ABR: variants seen among roughly 807,000 people sequenced by gnomAD.
ABR encodes ABR activator of RhoGEF and GTPase.
Under a neutral mutation model 107.2 loss-of-function variants are expected in ABR, and 35 were observed. That is an observed-to-expected ratio of 0.33 (90% confidence interval 0.25 to 0.43). ABR has a LOEUF of 0.43. Ranked by LOEUF, ABR falls within the 20% of genes least tolerant of loss-of-function variation. The pLI, the probability that ABR is intolerant of heterozygous loss-of-function variation, is 1.00. For synonymous variants in ABR, 498 were observed against 462.0 expected (o/e 1.08, Z -1.00); for missense variants, 815 against 1,115.2 (o/e 0.73, Z 3.83).
intron 1 of ABR, among the ~76,000 whole-genome samples, chr17:1,149,058 T>A (rs11867325): frequency 6.8e-6 from 1 of 146,106 alleles, no homozygotes. Flanking sequence ...CCTGCCACCA[T>A]GCCTGGCTAA....
At chr17:1,031,503 C>A in intron 16 of ABR, 1 of 784,450 alleles carries the variant, frequency 1.3e-6, no homozygotes, top group Non-Finnish European at 1.7e-6. Flanking sequence ...GGGGCGGGAG[C>A]GGGACCCCAT....
At chr17:1,086,845 A>C (rs1334691030) in intron 4 of ABR, among the ~76,000 whole-genome samples, 1 of 152,046 alleles carries the variant, frequency 6.6e-6, no homozygotes, top group Non-Finnish European at 1.5e-5. Flanking sequence ...TGTGGTACAC[A>C]CACCTATAGC....
rs566122728 is a variant in ABR, at chr17:1,051,084, C to T, written c.1562-450G>A. Among the ~76,000 whole-genome samples the T allele has an allele frequency of 1.3e-4, 20 of 152,162 alleles. No homozygotes were observed. Among genetic ancestry groups the T allele is most frequent in the Admixed American group, 9.8e-4 (15 of 15,284 alleles). ...AACATGGGTGCCCAGGCCTCAACAG[C>T]GGCATTTGGGGTGGGAGGCGTTTAG... is the stretch of plus-strand genomic sequence containing the variant. On this transcript the variant is annotated intron_variant, in intron 14 of 22. Coordinates refer to ENST00000302538, the MANE Select transcript of ABR (RefSeq NM_021962.5). The surrounding 1 kb of genome is among the most constrained non-coding windows in gnomAD (Gnocchi z 4.3).
At chr17:1,141,964 G>C (rs750928245) in intron 1 of ABR, among the ~76,000 whole-genome samples, 50 of 151,906 alleles carry the variant, frequency 3.3e-4, no homozygotes, top group Non-Finnish European at 6.0e-4. Flanking sequence ...CACCATGTTA[G>C]CCAGGATGGT....
At position 1,097,590 on chromosome 17, in the gene ABR, CA is replaced by C. The variant is rs57256346; in HGVS notation, c.345+3046del. Among the ~76,000 whole-genome samples the C allele has an allele frequency of 8.5e-3, 889 of 104,754 alleles. 11 individuals carry two copies. The highest frequency in any genetic ancestry group is 0.03 in the African/African-American group (795 of 26,150). 68.7% of individuals were successfully genotyped at this position (104,754 alleles called of 152,430 possible). A position where few individuals can be genotyped will look rare whatever the true frequency, so the allele number is the denominator to read the frequency against. ...TGGGCAACAGAGCAAGACTCCGTCT[CA>C]AAAAAAAAAAAAAAAAAAGAACTCT... On this transcript the variant is annotated intron_variant, in intron 3 of 22. Transcript: ENST00000302538.
intron 1 of ABR, among the ~76,000 whole-genome samples, chr17:1,222,274 A>G (rs969940809): frequency 4.6e-5 from 7 of 152,104 alleles, no homozygotes; most frequent in African/African-American, 1.7e-4. Flanking sequence ...CATGTTGGCC[A>G]GGCTGGTCTC....
chr17:1,123,713 G>C (rs1230635777), intron 2 of ABR, among the ~76,000 whole-genome samples: 8 of 152,140 alleles, frequency 5.3e-5, no homozygotes, highest in African/African-American at 1.7e-4. Context: ...TCTGAGCCCT[G>C]CTGTGGTTTG....
At chr17:1,173,435 TTGTC>T (rs1373356943) in intron 1 of ABR, among the ~76,000 whole-genome samples, 9 of 138,888 alleles carry the variant, frequency 6.5e-5, no homozygotes, top group Non-Finnish European at 1.1e-4. Flanking sequence ...GGGCGCAGGG[TTGTC>T]TTGAAGCCGC....
chr17:1,088,452 T>TTAA (rs60961802), intron 4 of ABR, among the ~76,000 whole-genome samples: 14,287 of 143,342 alleles, frequency 0.1, 770 homozygotes, highest in African/African-American at 0.15. Context: ...TCTTCCCAAT[T>TTAA]TAATAATAAT....
chr17:1,018,672 G>T (rs538440461), intron 16 of ABR, among the ~76,000 whole-genome samples: 1 of 152,258 alleles, frequency 6.6e-6, no homozygotes, highest in African/African-American at 2.4e-5. Flanking sequence ...GCGCACTCGG[G>T]CAAGGCCTTT....
At chr17:1,100,976 A>C (rs1392103491) in intron 2 of ABR, 3 of 547,098 alleles carry the variant, frequency 5.5e-6, no homozygotes, top group African/African-American at 3.8e-5. Context: ...GGCACCTGCC[A>C]CCATGCCCAG....
chr17:1,046,202 C>A (rs201802899), intron 16 of ABR, among the ~76,000 whole-genome samples: 4 of 94,598 alleles, frequency 4.2e-5, no homozygotes, highest in Admixed American at 1.2e-4. Context: ...GACGGGGTTT[C>A]GCCATGTTGG....
At chr17:1,100,530 C>A (rs921120495) in intron 3 of ABR, 107 bp downstream of exon 3, 23 of 1,036,236 alleles carry the variant, frequency 2.2e-5, no homozygotes, top group African/African-American at 4.7e-5. Flanking sequence ...CAGGGAGGGA[C>A]GGGTACGGTC....
chr17:1,050,232 G>C lies in ABR; in HGVS notation c.1660-51C>G, dbSNP rs775870723. ...CTGAACCTCCGAAGCTGGGAGGCCT[G>C]GCTTTCCGGCAGGTGCGTGCCTCAG... On this transcript the variant is annotated intron_variant, in intron 15 of 22. Coordinates refer to ENST00000302538, the MANE Select transcript of ABR (RefSeq NM_021962.5). The surrounding 1 kb of genome is among the most constrained non-coding windows in gnomAD (Gnocchi z 4.6). 1 of 1,579,590 alleles carries C rather than the reference G, an allele frequency of 6.3e-7. No individual in the cohort carries two copies. Among genetic ancestry groups the C allele is most frequent in the Admixed American group, 1.8e-5 (1 of 55,578 alleles).
chr17:1,047,589 T>C (rs1473757648), intron 16 of ABR, among the ~76,000 whole-genome samples: 1 of 152,256 alleles, frequency 6.6e-6, no homozygotes, highest in Non-Finnish European at 1.5e-5. Flanking sequence ...GGCTCTGAAC[T>C]GTCCGCTCAC....
chr17:1,022,120 A>AAAACAAAAAAAAAC (rs1555534385), intron 16 of ABR, among the ~76,000 whole-genome samples: 2 of 118,388 alleles, frequency 1.7e-5, no homozygotes, highest in African/African-American at 7.3e-5. Context: ...AAAAAAAAAA[A>AAAACAAAAAAAAAC]AAAAACAGAA....
At chr17:1,103,245 CCGAGAGT>C (rs1167672066) in intron 2 of ABR, among the ~76,000 whole-genome samples, 4 of 152,114 alleles carry the variant, frequency 2.6e-5, no homozygotes, top group Non-Finnish European at 2.9e-5. Flanking sequence ...TCCTGAGGCA[CCGAGAGT>C]CGGGACTGCC....
chr17:1,145,054 A>G (rs1016597711), intron 1 of ABR, among the ~76,000 whole-genome samples: 1 of 152,124 alleles, frequency 6.6e-6, no homozygotes, highest in Non-Finnish European at 1.5e-5. Context: ...GGAAAAAAAG[A>G]AAGAAAATAA....
chr17:1,212,106 CAAG>C (rs1445589157), intron 1 of ABR, among the ~76,000 whole-genome samples: 45 of 138,582 alleles, frequency 3.2e-4, no homozygotes, highest in African/African-American at 1.2e-3. Flanking sequence ...ATTACTATAA[CAAG>C]AAGAAGAATG....
Sources: gnomAD v4.1 joint callset for allele counts (sites outside exome capture counted in the v4.1 genomes callset) on GRCh38, gnomAD v4.1.1 for gene constraint, Gnocchi (gnomAD v3.1) non-coding constraint, MANE v1.5 for transcripts, NCBI Gene and HGNC (gene_info 2026-07-23, HGNC 2026-07-21) for gene names.